The following VGLL4 variants were observed in gnomAD, a reference collection of about 807,000 sequenced individuals.
VGLL4 encodes the protein transcription cofactor vestigial-like protein 4.
VGLL4 carries 7 observed loss-of-function variants against 21.0 expected under a neutral mutation model. That is an observed-to-expected ratio of 0.33 (90% confidence interval 0.19 to 0.63). VGLL4 has a LOEUF of 0.63. Among genes scored for constraint, VGLL4 ranks in the 20% least tolerant of loss-of-function variants. The pLI is 0.78. For synonymous variants in VGLL4, 222 were observed against 173.2 expected (o/e 1.28, Z -2.21); for missense variants, 394 against 425.7 (o/e 0.93, Z 0.66).
intron 2 of VGLL4, among the ~76,000 whole-genome samples, chr3:11,570,456 G>C (rs1030408155): frequency 6.6e-6 from 1 of 152,158 alleles, no homozygotes; most frequent in African/African-American, 2.4e-5. Flanking sequence ...AGGGGACCCC[G>C]GTCCCTGGCT....
At position 11,653,167 on chromosome 3, in the gene VGLL4, A is replaced by G. The variant is rs2075901927; in HGVS notation, c.64+49804T>C. Among the ~76,000 whole-genome samples, 1 of 152,224 alleles carries G rather than the reference A, an allele frequency of 6.6e-6. No individual in the cohort carries two copies. Among genetic ancestry groups the G allele is most frequent in the South Asian group, 2.1e-4 (1 of 4,830 alleles). On this transcript the variant is annotated intron_variant, in intron 2 of 5. Transcript: ENST00000273038. The surrounding 1 kb of genome is among the most constrained non-coding windows in gnomAD (Gnocchi z 4.2). ...CTGCCTGCACAGTGCTTCATTCATT[A>G]TGCAGCACGCTAAGCACCTCCACAG...
At chr3:11,680,195 G>A (rs2076349615) in intron 2 of VGLL4, among the ~76,000 whole-genome samples, 1 of 152,168 alleles carries the variant, frequency 6.6e-6, no homozygotes, top group African/African-American at 2.4e-5. Flanking sequence ...TGAGTGCAGT[G>A]GGCTGTGAGC....
intron 2 of VGLL4, among the ~76,000 whole-genome samples, chr3:11,693,399 C>T (rs574101622): frequency 8.6e-5 from 13 of 151,932 alleles, no homozygotes; most frequent in Non-Finnish European, 1.2e-4. Flanking sequence ...AAATGGTAGA[C>T]GATTGGAATA....
In VGLL4 at chr3:11,665,101, C is replaced by CTTTTTTT. The variant is rs59999510; in HGVS notation, c.64+37863_64+37869dup. Among the ~76,000 whole-genome samples, 156 of 96,966 alleles carry CTTTTTTT rather than the reference C, an allele frequency of 1.6e-3. 20 individuals are homozygous for CTTTTTTT. The highest frequency in any genetic ancestry group is 5.1e-3 in the African/African-American group (104 of 20,504). 63.6% of individuals were successfully genotyped at this position (96,966 alleles called of 152,430 possible). A position where few individuals can be genotyped will look rare whatever the true frequency, so the allele number is the denominator to read the frequency against. ...AAATGAAAGCAATTTGAATATTTTT[C>CTTTTTTT]TTTTTTTTTTTTTTTTTTTTTTTTT... On this transcript the variant is annotated intron_variant, in intron 2 of 5. Coordinates refer to the VGLL4 transcript ENST00000273038.
At chr3:11,645,137 T>C (rs1189131531), upstream of VGLL4, among the ~76,000 whole-genome samples, 4 of 148,204 alleles carry the variant, frequency 2.7e-5, no homozygotes, top group Non-Finnish European at 5.9e-5. Context: ...ACTGAACGAG[T>C]GAACCACTGA....
chr3:11,684,802 G>A (rs2076423042), intron 2 of VGLL4, among the ~76,000 whole-genome samples: 1 of 150,812 alleles, frequency 6.6e-6, no homozygotes, highest in Non-Finnish European at 1.5e-5. Flanking sequence ...ATTCCTTTTG[G>A]TTTTCTTTTC....
chr3:11,708,402 G>T (rs1011080690), intron 1 of VGLL4, among the ~76,000 whole-genome samples: 2 of 152,164 alleles, frequency 1.3e-5, no homozygotes, highest in African/African-American at 4.8e-5. Flanking sequence ...GAAAAGGTGG[G>T]AGACAGCAGC....
chr3:11,711,716 CAA>C, intron 1 of VGLL4, among the ~76,000 whole-genome samples: 1 of 144,414 alleles, frequency 6.9e-6, no homozygotes, highest in South Asian at 2.2e-4. Context: ...GACCCTGTCT[CAA>C]AAAAAAAATA....
chr3:11,626,336 A>G (rs1299747235), intron 1 of VGLL4: 2 of 456,628 alleles, frequency 4.4e-6, no homozygotes, highest in Admixed American at 2.4e-5. Flanking sequence ...AGACCACACA[A>G]AGTCAAAACA....
At chr3:11,671,104 C>T (rs1352186958) in intron 2 of VGLL4, among the ~76,000 whole-genome samples, 1 of 152,170 alleles carries the variant, frequency 6.6e-6, no homozygotes, top group Non-Finnish European at 1.5e-5. Flanking sequence ...GTCCTTAAGA[C>T]CACAGTCAGG....
At chr3:11,709,452 A>AAC (rs2076809377) in intron 1 of VGLL4, among the ~76,000 whole-genome samples, 1 of 151,414 alleles carries the variant, frequency 6.6e-6, no homozygotes, top group African/African-American at 2.4e-5. Flanking sequence ...AAAAAAAAAA[A>AAC]AAAAAAAACA....
chr3:11,613,721 G>A (rs927060336), intron 1 of VGLL4, among the ~76,000 whole-genome samples: 5 of 152,160 alleles, frequency 3.3e-5, no homozygotes, highest in African/African-American at 1.2e-4. Flanking sequence ...GGATTTCTAT[G>A]CGAATCAATG....
chr3:11,619,171 C>T (rs1384529962), intron 1 of VGLL4, among the ~76,000 whole-genome samples: 1 of 152,210 alleles, frequency 6.6e-6, no homozygotes, highest in South Asian at 2.1e-4. Context: ...GCTTGCCCTG[C>T]ACTTCAAAGG....
chr3:11,710,753 A>C (rs1372383849), intron 1 of VGLL4, among the ~76,000 whole-genome samples: 1 of 152,194 alleles, frequency 6.6e-6, no homozygotes, highest in Admixed American at 6.5e-5. Context: ...GGACAAACCC[A>C]AAAGTATGAA....
intron 2 of VGLL4, among the ~76,000 whole-genome samples, chr3:11,652,415 GTTTTTTGT>G (rs1002718856): frequency 2.6e-5 from 4 of 151,994 alleles, no homozygotes; most frequent in East Asian, 1.9e-4. Context: ...TGGGAATGGT[GTTTTTTGT>G]TTTTTTGTTT....
In VGLL4 at chr3:11,564,917, G is replaced by C. The variant is rs1007714750; in HGVS notation, c.375C>G (p.His125Gln). The C allele has an allele frequency of 6.3e-7, 1 of 1,598,152 alleles. No homozygotes were observed. Among genetic ancestry groups the C allele is most frequent in the East Asian group, 2.3e-5 (1 of 43,922 alleles). ...CAAGGCTGGGGAGGGAGGTGTACAG[G>C]TGGCTGCCGTGCAGGCTCATGGTGG... is the stretch of plus-strand genomic sequence containing the variant. ...VAPTMSLHGS[H>Q]LYTSLPSLGL... is the part of the protein sequence containing the mutation. The change falls in exon 3 of 5, where the codon CAC becomes CAG. Residue 125 changes from histidine (H) to glutamine (Q), a missense_variant. Physicochemically the swap from His to Gln is conservative, Grantham distance 24. Coordinates refer to ENST00000430365, the MANE Select transcript of VGLL4 (RefSeq NM_001128219.3).
intron 2 of VGLL4, among the ~76,000 whole-genome samples, chr3:11,659,780 A>G (rs1445002270): frequency 6.6e-6 from 1 of 152,262 alleles, no homozygotes; most frequent in Non-Finnish European, 1.5e-5. Flanking sequence ...AGTATTTGCT[A>G]TAACCCATTG....
At chr3:11,642,719 C>T (rs539824909) in intron 1 of VGLL4, among the ~76,000 whole-genome samples, 1 of 152,312 alleles carries the variant, frequency 6.6e-6, no homozygotes, top group South Asian at 2.1e-4. Flanking sequence ...GGAAGCACCT[C>T]GCGGGCAGTA....
chr3:11,683,245 CA>C (rs2076401431), intron 2 of VGLL4, among the ~76,000 whole-genome samples: 1 of 151,964 alleles, frequency 6.6e-6, no homozygotes, highest in Admixed American at 6.6e-5. Flanking sequence ...GACCTTACCC[CA>C]ATCAGAATGG....
Sources: gnomAD v4.1 joint callset for allele counts (sites outside exome capture counted in the v4.1 genomes callset) on GRCh38, gnomAD v4.1.1 for gene constraint, Gnocchi (gnomAD v3.1) non-coding constraint, MANE v1.5 for transcripts, NCBI Gene and HGNC (gene_info 2026-07-23, HGNC 2026-07-21) for gene names.